ZRANB3: variants seen among roughly 807,000 people sequenced by gnomAD.
The protein encoded by ZRANB3 is DNA annealing helicase and endonuclease ZRANB3.
A neutral mutation model predicts 133.8 loss-of-function variants in ZRANB3; 125 were observed. The observed-to-expected ratio is 0.93, with a 90% CI of 0.81 to 1.08. The LOEUF is 1.08. Among genes scored for constraint, ZRANB3 ranks in the 50% least tolerant of loss-of-function variants. The probability of loss-of-function intolerance (pLI) is 0.00; values close to 1 mark genes in which losing one functional copy is unlikely to be tolerated. For synonymous variants in ZRANB3, 387 were observed against 432.7 expected (o/e 0.89, Z 1.31); for missense variants, 1,229 against 1,275.5 (o/e 0.96, Z 0.56).
At chr2:135,295,865 G>A (rs1378897106) in intron 8 of ZRANB3, among the ~76,000 whole-genome samples, 1 of 152,168 alleles carries the variant, frequency 6.6e-6, no homozygotes, top group Non-Finnish European at 1.5e-5. Flanking sequence ...ATGAAATTCT[G>A]GGTTGAAAAT....
chr2:135,320,906 C>T (rs1041856891), intron 6 of ZRANB3, among the ~76,000 whole-genome samples: 3 of 152,136 alleles, frequency 2.0e-5, no homozygotes, highest in Non-Finnish European at 4.4e-5. Context: ...CAGTAAGTAG[C>T]CTTTTAAATC....
At chr2:135,376,500 A>G (rs1686435432) in intron 3 of ZRANB3, among the ~76,000 whole-genome samples, 1 of 152,212 alleles carries the variant, frequency 6.6e-6, no homozygotes, top group Non-Finnish European at 1.5e-5. Flanking sequence ...TGCAATATAA[A>G]TCAGTGATAA....
At chr2:135,228,718 G>A (rs982199091) in intron 13 of ZRANB3, among the ~76,000 whole-genome samples, 1 of 152,178 alleles carries the variant, frequency 6.6e-6, no homozygotes, top group Non-Finnish European at 1.5e-5. Context: ...GCATGATGTA[G>A]TAAAGAACAG....
intron 3 of ZRANB3, among the ~76,000 whole-genome samples, chr2:135,376,523 A>G (rs143299494): frequency 6.6e-6 from 1 of 152,358 alleles, no homozygotes; most frequent in Non-Finnish European, 1.5e-5. Context: ...AGAAAAGGCT[A>G]TCAAGCTACA....
At chr2:135,287,590 C>T (rs532036592) in intron 8 of ZRANB3, among the ~76,000 whole-genome samples, 125 of 150,634 alleles carry the variant, frequency 8.3e-4, no homozygotes, top group South Asian at 2.3e-3. Flanking sequence ...TTGTTAGTGT[C>T]GTCTGTGATT....
intron 6 of ZRANB3, among the ~76,000 whole-genome samples, chr2:135,344,362 G>A (rs1409935832): frequency 1.3e-5 from 2 of 152,182 alleles, no homozygotes; most frequent in African/African-American, 4.8e-5. Context: ...TGCATTGTAT[G>A]CACAGCTATA....
At chr2:135,423,275 A>T (rs1345803352) in intron 2 of ZRANB3, among the ~76,000 whole-genome samples, 1 of 152,088 alleles carries the variant, frequency 6.6e-6, no homozygotes, top group Non-Finnish European at 1.5e-5. Flanking sequence ...TTCTACTAAA[A>T]ATACAAAAAT....
At chr2:135,480,163 C>T (rs1218328582) in intron 2 of ZRANB3, among the ~76,000 whole-genome samples, 1 of 150,928 alleles carries the variant, frequency 6.6e-6, no homozygotes, top group South Asian at 2.1e-4. Context: ...AGGAAGGTCT[C>T]GATCTCCTGA....
chr2:135,434,177 G>T (rs1037232286), intron 2 of ZRANB3, among the ~76,000 whole-genome samples: 5 of 152,096 alleles, frequency 3.3e-5, no homozygotes, highest in Non-Finnish European at 7.4e-5. Flanking sequence ...AAAAAGAAAA[G>T]AAATAAATTG....
chr2:135,355,446 C>T (rs1450849550), intron 3 of ZRANB3, among the ~76,000 whole-genome samples: 4 of 151,826 alleles, frequency 2.6e-5, no homozygotes, highest in Non-Finnish European at 5.9e-5. Context: ...ACAGCAACCT[C>T]CACCTCCCAG....
At chr2:135,202,056 C>A (rs76785916) in intron 20 of ZRANB3, among the ~76,000 whole-genome samples, 1 of 151,714 alleles carries the variant, frequency 6.6e-6, no homozygotes, top group Non-Finnish European at 1.5e-5. Flanking sequence ...TATATAAAAG[C>A]AAAAAAATTT....
At chr2:135,378,974 T>C (rs1278091381) in intron 3 of ZRANB3, among the ~76,000 whole-genome samples, 1 of 152,150 alleles carries the variant, frequency 6.6e-6, no homozygotes, top group Non-Finnish European at 1.5e-5. Flanking sequence ...TATTTATATA[T>C]TTTTTAAAAG....
chr2:135,340,579 C>T (rs1477754517), intron 6 of ZRANB3, among the ~76,000 whole-genome samples: 1 of 152,132 alleles, frequency 6.6e-6, no homozygotes, highest in Non-Finnish European at 1.5e-5. Context: ...GGTGAGGTGG[C>T]TCACACCTGT....
chr2:135,393,950 C>A (rs1687360911), intron 2 of ZRANB3, among the ~76,000 whole-genome samples: 1 of 152,044 alleles, frequency 6.6e-6, no homozygotes, highest in African/African-American at 2.4e-5. Context: ...CTCTGCTTTC[C>A]AGGCTCAAGC....
chr2:135,385,991 T>C (rs1011349690), intron 3 of ZRANB3, among the ~76,000 whole-genome samples: 1 of 151,848 alleles, frequency 6.6e-6, no homozygotes, highest in Non-Finnish European at 1.5e-5. Flanking sequence ...AAGAGACAAA[T>C]GGGGTCTAAT....
chr2:135,472,282 C>G (rs886855468), intron 2 of ZRANB3, among the ~76,000 whole-genome samples: 2 of 152,046 alleles, frequency 1.3e-5, no homozygotes, highest in African/African-American at 2.4e-5. Flanking sequence ...AGGCAGATCA[C>G]AAGGTCAGGA....
chr2:135,274,693 T>A (rs372858574), intron 9 of ZRANB3, among the ~76,000 whole-genome samples: 1 of 152,134 alleles, frequency 6.6e-6, no homozygotes, highest in Non-Finnish European at 1.5e-5. Context: ...GGCAGGGTCA[T>A]AGGACAATAG....
At chr2:135,447,098 G>A (rs1010674103) in intron 2 of ZRANB3, among the ~76,000 whole-genome samples, 1 of 152,066 alleles carries the variant, frequency 6.6e-6, no homozygotes, top group Non-Finnish European at 1.5e-5. Context: ...AGGCTGGAGT[G>A]CAGTGGCACA....
intron 2 of ZRANB3, among the ~76,000 whole-genome samples, chr2:135,395,992 A>AT (rs1019292313): frequency 2.0e-5 from 3 of 152,224 alleles, no homozygotes; most frequent in Non-Finnish European, 2.9e-5. Context: ...TAATAATCCA[A>AT]TTTTTTAAAT....
Sources: allele counts gnomAD v4.1 joint callset (sites outside exome capture counted in the v4.1 genomes callset), GRCh38; gene constraint gnomAD v4.1.1; transcripts MANE v1.5; gene names NCBI Gene and HGNC (gene_info 2026-07-23, HGNC 2026-07-21).